PCDHA2: variants seen among roughly 807,000 people sequenced by gnomAD.
The protein encoded by PCDHA2 is protocadherin alpha 2.
In PCDHA2, 58 loss-of-function variants were observed where a neutral mutation model predicts 66.0. The ratio of observed to expected loss-of-function variants is 0.88; its 90% CI spans 0.71 to 1.09. PCDHA2 has a LOEUF of 1.09. PCDHA2 is among the 50% of genes least tolerant of loss of function. PCDHA2 has a pLI of 0.00. For synonymous variants in PCDHA2, 634 were observed against 554.0 expected, an observed-to-expected ratio of 1.14 and a Z score of -2.03; for missense variants, 1,267 against 1,242.3, an observed-to-expected ratio of 1.02 and a Z score of -0.30.
intron 1 of PCDHA2, chr5:140,801,513 C>G (rs566462269): frequency 1.4e-5 from 23 of 1,614,190 alleles, no homozygotes; most frequent in Middle Eastern, 1.7e-4. Flanking sequence ...CAGCATCCAC[C>G]TGGAGGTGAT....
chr5:140,874,917 T>G (rs2153317662), intron 1 of PCDHA2, among the ~76,000 whole-genome samples: 2 of 152,292 alleles, frequency 1.3e-5, no homozygotes, highest in Middle Eastern at 6.8e-3. Flanking sequence ...GGAGTGCTTG[T>G]GAAGGTTAAA....
chr5:140,818,588 A>G (rs145310049), intron 1 of PCDHA2, among the ~76,000 whole-genome samples: 121 of 152,278 alleles, frequency 7.9e-4, no homozygotes, highest in Middle Eastern at 3.4e-3. Context: ...TATAATCCCA[A>G]CACCTGTGTG....
chr5:140,822,050 A>C, intron 1 of PCDHA2: 1 of 1,614,182 alleles, frequency 6.2e-7, no homozygotes, highest in South Asian at 1.1e-5. Flanking sequence ...ATCGACCGGG[A>C]GGAGCTGTGC....
chr5:140,823,933 C>T, intron 1 of PCDHA2: 2 of 1,613,958 alleles, frequency 1.2e-6, no homozygotes, highest in Admixed American at 1.7e-5. Context: ...GTACACCGCG[C>T]TGCGGTGCTC....
intron 1 of PCDHA2, chr5:140,805,578 C>T (rs1029560750): frequency 3.2e-6 from 3 of 945,614 alleles, no homozygotes; most frequent in South Asian, 4.9e-5. Context: ...TTTTAAATGG[C>T]TACCATTATG....
intron 1 of PCDHA2, among the ~76,000 whole-genome samples, chr5:140,846,539 TA>T: frequency 6.7e-6 from 1 of 148,618 alleles, no homozygotes; most frequent in Middle Eastern, 3.5e-3. Context: ...CATGCCCTGC[TA>T]ATTTTTTGTA....
chr5:140,828,424 C>T (rs138737999), intron 1 of PCDHA2: 4 of 1,614,132 alleles, frequency 2.5e-6, no homozygotes, highest in Non-Finnish European at 3.4e-6. Context: ...TGATCGTGGA[C>T]AGGCCGCTGC....
intron 1 of PCDHA2, chr5:140,803,596 G>C: frequency 6.2e-7 from 1 of 1,614,106 alleles, no homozygotes; most frequent in Non-Finnish European, 8.5e-7. Flanking sequence ...GCCAAAGTGA[G>C]TAATTTTTAT....
chr5:140,925,395 GCCT>G (rs2082476248), intron 1 of PCDHA2, among the ~76,000 whole-genome samples: 1 of 151,998 alleles, frequency 6.6e-6, no homozygotes, highest in Non-Finnish European at 1.5e-5. Flanking sequence ...CTTTTGGCTC[GCCT>G]CCTTCTTAGG....
intron 1 of PCDHA2, among the ~76,000 whole-genome samples, chr5:140,874,119 GTTTA>G (rs1582151784): frequency 6.6e-6 from 1 of 152,064 alleles, no homozygotes; most frequent in Non-Finnish European, 1.5e-5. Flanking sequence ...ACGTTTTATA[GTTTA>G]TTTAAGTTAT....
At chr5:140,937,546 G>A (rs1584916949) in intron 1 of PCDHA2, among the ~76,000 whole-genome samples, 1 of 152,050 alleles carries the variant, frequency 6.6e-6, no homozygotes, top group Non-Finnish European at 1.5e-5. Flanking sequence ...GAACCTGCGA[G>A]GCAGAGGTTG....
intron 1 of PCDHA2, among the ~76,000 whole-genome samples, chr5:140,846,323 T>G (rs2150386920): frequency 0.12 from 17,165 of 148,320 alleles, 3,122 homozygotes; most frequent in African/African-American, 0.34. Flanking sequence ...TAGAGTGTTG[T>G]AAATAGCCTT....
At chr5:140,872,336 A>G (rs1554166138) in intron 1 of PCDHA2, among the ~76,000 whole-genome samples, 1 of 152,144 alleles carries the variant, frequency 6.6e-6, no homozygotes, top group African/African-American at 2.4e-5. Context: ...CTAAAATTCT[A>G]CATGTTCTTG....
intron 1 of PCDHA2, chr5:140,809,411 T>A: frequency 6.2e-7 from 1 of 1,614,110 alleles, no homozygotes; most frequent in South Asian, 1.1e-5. Flanking sequence ...GCTGGTGTGC[T>A]CCAGTGCGGT....
chr5:140,929,257 C>G, intron 1 of PCDHA2: 2 of 1,612,972 alleles, frequency 1.2e-6, no homozygotes, highest in Admixed American at 3.3e-5. Flanking sequence ...TGGGGTAGGA[C>G]TGAATTTGCC....
At chr5:140,893,879 G>A (rs747246517) in intron 1 of PCDHA2, among the ~76,000 whole-genome samples, 26 of 152,060 alleles carry the variant, frequency 1.7e-4, no homozygotes, top group Admixed American at 4.6e-4. Flanking sequence ...GATCCAAAGT[G>A]GCCAGAAAGT....
chr5:140,797,161 G>A lies in PCDHA2; in HGVS notation c.2197G>A (p.Ala733Thr), dbSNP rs782528536. The change falls in exon 1 of 4, where the codon GCG becomes ACG. Residue 733 changes from alanine (A) to threonine (T), a missense_variant. Physicochemically the swap from Ala to Thr is moderately conservative, Grantham distance 58 (BLOSUM62 0). Transcript: ENST00000526136. ...GGTGCCACCCACCGAGGGTGCGCGC[G>A]CGCCAGGAAAGCCCACGCTGGTGTG... is the stretch of plus-strand genomic sequence containing the variant. The part of the protein sequence containing the change: ...CSVPPTEGAR[A>T]PGKPTLVCSS... The A allele has an allele frequency of 1.9e-6, 3 of 1,613,998 alleles. No individual in the cohort carries two copies. The highest frequency in any genetic ancestry group is 1.1e-5 in the South Asian group (1 of 91,078).
intron 1 of PCDHA2, chr5:140,803,166 C>T: frequency 6.2e-7 from 1 of 1,613,914 alleles, no homozygotes; most frequent in Non-Finnish European, 8.5e-7. Context: ...CCACGGTGAA[C>T]CCTCATTGAC....
chr5:140,824,628 T>TTTTTTTTTTG (rs1768286843), intron 1 of PCDHA2: 1 of 131,392 alleles, frequency 7.6e-6, no homozygotes, highest in African/African-American at 3.5e-5. Flanking sequence ...TTTTTTTTTT[T>TTTTTTTTTTG]TTTTATTTTC....
Sources: allele counts gnomAD v4.1 joint callset (sites outside exome capture counted in the v4.1 genomes callset), GRCh38; gene constraint gnomAD v4.1.1; transcripts MANE v1.5; gene names NCBI Gene and HGNC (gene_info 2026-07-23, HGNC 2026-07-21).